Variants in MYO6 observed in about 807,000 individuals in gnomAD.
MYO6 encodes unconventional myosin-VI.
In MYO6, 74 loss-of-function variants were observed where a neutral mutation model predicts 178.7. That is an observed-to-expected ratio of 0.41 (90% confidence interval 0.34 to 0.50). MYO6 has a LOEUF of 0.50. MYO6 is among the 20% of genes least tolerant of loss of function. MYO6 has a pLI of 0.09. For synonymous variants in MYO6, 477 were observed against 504.6 expected (o/e 0.95, Z 0.73); for missense variants, 1,330 against 1,547.4 (o/e 0.86, Z 2.36).
At chr6:75,761,428 T>C (rs887603404) in intron 1 of MYO6, among the ~76,000 whole-genome samples, 5 of 152,206 alleles carry the variant, frequency 3.3e-5, no homozygotes, top group African/African-American at 1.2e-4. Flanking sequence ...TTTTATATTT[T>C]ATAGGGATGC....
Position 75,916,651 on chromosome 6 carries a change from T to C in MYO6, c.*1639T>C, listed in dbSNP as rs1233251151. On this transcript the variant is annotated 3_prime_UTR_variant, in exon 35 of 35. Transcript: ENST00000369977. ...AACTGGTGTTTTTATTTGTGTAGGA[T>C]AGTGAATGATAAGCTTTTTTCCTAA... 3 of 152,640 alleles carry C rather than the reference T, an allele frequency of 2.0e-5. No individual in the cohort carries two copies. The highest frequency in any genetic ancestry group is 4.4e-5 in the Non-Finnish European group (3 of 68,030). The allele number at this position is 152,640 out of a possible 1,614,324, so 9.5% of individuals were successfully genotyped here.
chr6:75,803,936 C>T (rs1193627085), intron 1 of MYO6, among the ~76,000 whole-genome samples: 1 of 152,106 alleles, frequency 6.6e-6, no homozygotes, highest in African/African-American at 2.4e-5. Context: ...CTCTGTCACC[C>T]AGGCTGGAGT....
chr6:75,751,405 A>G (rs538285379), intron 1 of MYO6, among the ~76,000 whole-genome samples: 1 of 152,280 alleles, frequency 6.6e-6, no homozygotes, highest in Admixed American at 6.5e-5. Context: ...ATGATTAAAA[A>G]CTGTATAATA....
chr6:75,820,304 A>T (rs183358289), intron 2 of MYO6, among the ~76,000 whole-genome samples: 44 of 152,140 alleles, frequency 2.9e-4, no homozygotes, highest in African/African-American at 1.0e-3. Context: ...AGGTGATGTT[A>T]TGTGCTTTGT....
In MYO6 at chr6:75,911,650, A is replaced by G. The variant is rs953080957; in HGVS notation, c.3413-22A>G. 4.4e-6 allele frequency: 7 copies of G among 1,605,542 alleles called. No individual in the cohort carries two copies. In the African/African-American group the frequency reaches 9.4e-5, roughly 21 times the overall value. On this transcript the variant is annotated intron_variant, in intron 32 of 34. Coordinates refer to ENST00000369977, the MANE Select transcript of MYO6 (RefSeq NM_004999.4). ...GTTTTGGCATTTTTATCTTTTCTTC[A>G]ACATAAAATATTTGTTCACAGATTT...
At chr6:75,825,764 C>T (rs547597840) in intron 3 of MYO6, among the ~76,000 whole-genome samples, 1 of 152,092 alleles carries the variant, frequency 6.6e-6, no homozygotes, top group Non-Finnish European at 1.5e-5. Flanking sequence ...AATGATTAAA[C>T]AGGATCTTAA....
At chr6:75,804,059 A>G (rs1212563274) in intron 1 of MYO6, among the ~76,000 whole-genome samples, 2 of 152,088 alleles carry the variant, frequency 1.3e-5, no homozygotes, top group South Asian at 2.1e-4. Context: ...ATGCCTGACT[A>G]ATGTTCATGC....
intron 12 of MYO6, 22 bp downstream of exon 12, chr6:75,855,305 AC>A: frequency 6.2e-7 from 1 of 1,611,958 alleles, no homozygotes; most frequent in Non-Finnish European, 8.5e-7. Flanking sequence ...AAGTAATTGC[AC>A]TGCAAAAATT....
chr6:75,871,711 A>G (rs1390605150), intron 19 of MYO6, among the ~76,000 whole-genome samples: 1 of 152,198 alleles, frequency 6.6e-6, no homozygotes. Context: ...AAGGCCATGT[A>G]TATTTAAAAA....
intron 18 of MYO6, among the ~76,000 whole-genome samples, chr6:75,869,688 ACACTGAAC>A (rs971841447): frequency 2.0e-5 from 3 of 152,250 alleles, no homozygotes; most frequent in African/African-American, 7.2e-5. Flanking sequence ...TGATTTTAAT[ACACTGAAC>A]CACACCACAT....
intron 19 of MYO6, among the ~76,000 whole-genome samples, chr6:75,872,712 A>G (rs1211776527): frequency 2.6e-5 from 4 of 152,172 alleles, no homozygotes; most frequent in Admixed American, 1.3e-4. Context: ...GTATTTTTGT[A>G]ATATTATTAA....
chr6:75,780,894 G>A (rs1766913600), intron 1 of MYO6, among the ~76,000 whole-genome samples: 1 of 150,618 alleles, frequency 6.6e-6, no homozygotes, highest in Admixed American at 6.6e-5. Context: ...TGCAACCTCC[G>A]CCTCCCAGGT....
intron 30 of MYO6, among the ~76,000 whole-genome samples, chr6:75,905,081 G>C (rs1417731215): frequency 6.6e-6 from 1 of 152,188 alleles, no homozygotes; most frequent in African/African-American, 2.4e-5. Context: ...CAGTCTGCCT[G>C]TTCTCAGATC....
chr6:75,817,758 T>C, intron 2 of MYO6, 94 bp downstream of exon 2: 15 of 1,088,560 alleles, frequency 1.4e-5, no homozygotes, highest in Admixed American at 3.6e-5. Flanking sequence ...ATGAGGTAGA[T>C]ATTTGGGAAA....
At chr6:75,764,979 A>G (rs1778280394) in intron 1 of MYO6, among the ~76,000 whole-genome samples, 1 of 150,988 alleles carries the variant, frequency 6.6e-6, no homozygotes, top group Non-Finnish European at 1.5e-5. Flanking sequence ...AGCCTGGGCG[A>G]CAGAGCTAGA....
intron 11 of MYO6, among the ~76,000 whole-genome samples, chr6:75,853,030 G>A (rs554838135): frequency 8.5e-5 from 13 of 152,174 alleles, no homozygotes; most frequent in African/African-American, 2.9e-4. Context: ...TATAGCAATC[G>A]TACAGGGTGT....
At chr6:75,808,880 G>A (rs191293340) in intron 1 of MYO6, among the ~76,000 whole-genome samples, 1 of 152,236 alleles carries the variant, frequency 6.6e-6, no homozygotes, top group African/African-American at 2.4e-5. Context: ...AGGGGGAGGG[G>A]ACTTCCAAAT....
intron 23 of MYO6, among the ~76,000 whole-genome samples, chr6:75,882,473 T>C (rs1174661533): frequency 2.0e-5 from 3 of 152,134 alleles, no homozygotes; most frequent in Non-Finnish European, 4.4e-5. Flanking sequence ...TGTTTCAGTC[T>C]CTTCCCCCAC....
Position 75,914,940 on chromosome 6 carries a change from T to C in MYO6, c.3786T>C (p.Leu1262=), listed in dbSNP as rs758995921. 1 of 1,614,102 alleles carries C rather than the reference T, an allele frequency of 6.2e-7. No homozygotes were observed. The highest frequency in any genetic ancestry group is 1.1e-5 in the South Asian group (1 of 91,078). Residue 1262 remains leucine (L), a synonymous_variant, in exon 35 of 35, where the codon CTT becomes CTC. Coordinates refer to ENST00000369977, the MANE Select transcript of MYO6 (RefSeq NM_004999.4). The part of the protein sequence containing the change: ...IWERCGGIQY[L]QNAIESRQAR... The stretch of plus-strand genomic sequence containing the variant: ...AACGCTGTGGAGGCATCCAGTACCT[T>C]CAGAATGCGATTGAGAGCAGACAGG...
Sources: gnomAD v4.1 joint callset for allele counts (sites outside exome capture counted in the v4.1 genomes callset) on GRCh38, gnomAD v4.1.1 for gene constraint, MANE v1.5 for transcripts, NCBI Gene and HGNC (gene_info 2026-07-23, HGNC 2026-07-21) for gene names.